Variants in NSMCE2 observed in about 807,000 individuals in gnomAD.
NSMCE2 encodes the protein NSE2 SUMO ligase component of SMC5/6 complex, also known as E3 SUMO-protein ligase NSE2.
NSMCE2 carries 24 observed loss-of-function variants against 23.8 expected under a neutral mutation model. The observed-to-expected ratio is 1.01, with a 90% CI of 0.73 to 1.42. The LOEUF (loss-of-function observed/expected upper bound fraction) is 1.42, where lower values mean the gene tolerates loss of function less well. NSMCE2 is among the 40% of genes most tolerant of loss of function. The pLI is 0.00. For synonymous variants in NSMCE2, 92 were observed against 94.1 expected (o/e 0.98, Z 0.13); for missense variants, 284 against 296.5 (o/e 0.96, Z 0.31).
Position 125,198,550 on chromosome 8 carries a change from G to C in NSMCE2, c.418+16294G>C, listed in dbSNP as rs576761815. On this transcript the variant is annotated intron_variant, in intron 5 of 7. Transcript: ENST00000287437. Reference sequence around the variant, plus strand: ...CCAGGGATGAAGCCTACTTGATCGTGGTGGATAAGTTTTTTGATGTGCTGC... The same window carrying C: ...CCAGGGATGAAGCCTACTTGATCGTCGTGGATAAGTTTTTTGATGTGCTGC... Among the ~76,000 whole-genome samples the C allele has an allele frequency of 3.3e-5, 5 of 152,278 alleles. No homozygotes were observed. In the South Asian group the frequency reaches 1.0e-3, roughly 32 times the overall value.
At chr8:125,271,559 G>C (rs1288746976) in intron 5 of NSMCE2, among the ~76,000 whole-genome samples, 1 of 152,184 alleles carries the variant, frequency 6.6e-6, no homozygotes, top group African/African-American at 2.4e-5. Flanking sequence ...AGTCATCAAA[G>C]GCTGATTCAG....
chr8:125,277,435 C>T (rs1827498048), intron 5 of NSMCE2, among the ~76,000 whole-genome samples: 1 of 151,670 alleles, frequency 6.6e-6, no homozygotes. Flanking sequence ...GGCTTTAAAA[C>T]ACAAAAAGGC....
intron 5 of NSMCE2, among the ~76,000 whole-genome samples, chr8:125,245,186 G>A (rs1825908909): frequency 6.6e-6 from 1 of 152,130 alleles, no homozygotes; most frequent in Admixed American, 6.5e-5. Flanking sequence ...GGGAGGATGA[G>A]GCAGGAGAAT....
chr8:125,123,244 G>A (rs906586211), intron 3 of NSMCE2, among the ~76,000 whole-genome samples: 1 of 152,062 alleles, frequency 6.6e-6, no homozygotes, highest in African/African-American at 2.4e-5. Flanking sequence ...TACCTATAAA[G>A]TTCTCCTAGA....
chr8:125,224,754 G>A (rs1448899372), intron 5 of NSMCE2, among the ~76,000 whole-genome samples: 1 of 152,166 alleles, frequency 6.6e-6, no homozygotes, highest in African/African-American at 2.4e-5. Context: ...TAGGTAGATA[G>A]TGTTATCCCC....
chr8:125,223,266 G>T (rs1824949194), intron 5 of NSMCE2, among the ~76,000 whole-genome samples: 1 of 151,688 alleles, frequency 6.6e-6, no homozygotes, highest in Non-Finnish European at 1.5e-5. Flanking sequence ...GCTGAGGTAG[G>T]AGGATTGCTT....
At chr8:125,318,704 C>T (rs781536548) in intron 5 of NSMCE2, among the ~76,000 whole-genome samples, 1 of 152,022 alleles carries the variant, frequency 6.6e-6, no homozygotes, top group Non-Finnish European at 1.5e-5. Context: ...GTGAAACAAC[C>T]ACGGCACTCA....
intron 3 of NSMCE2, among the ~76,000 whole-genome samples, chr8:125,139,812 G>A (rs1481828840): frequency 6.6e-6 from 1 of 152,162 alleles, no homozygotes; most frequent in Non-Finnish European, 1.5e-5. Flanking sequence ...TCATTTTATA[G>A]TGGAAATTTT....
At chr8:125,190,294 C>G (rs1823290092) in intron 5 of NSMCE2, among the ~76,000 whole-genome samples, 1 of 152,130 alleles carries the variant, frequency 6.6e-6, no homozygotes, top group African/African-American at 2.4e-5. Flanking sequence ...TAAATTTTGA[C>G]TTACATCATT....
chr8:125,344,563 T>A (rs1485243067), intron 5 of NSMCE2, among the ~76,000 whole-genome samples: 2 of 151,938 alleles, frequency 1.3e-5, no homozygotes, highest in Admixed American at 6.6e-5. Context: ...GCCAACATGG[T>A]GAAACCCCGT....
At chr8:125,229,113 G>C (rs528484745) in intron 5 of NSMCE2, among the ~76,000 whole-genome samples, 1 of 152,252 alleles carries the variant, frequency 6.6e-6, no homozygotes, top group East Asian at 1.9e-4. Context: ...AATGAAGGAT[G>C]ATGAGTCAGA....
intron 5 of NSMCE2, among the ~76,000 whole-genome samples, chr8:125,232,059 T>C (rs1189953503): frequency 2.0e-5 from 3 of 152,166 alleles, no homozygotes; most frequent in Non-Finnish European, 4.4e-5. Flanking sequence ...TCAGTTGAGA[T>C]GATGAACATG....
chr8:125,135,845 C>T (rs575349273), intron 3 of NSMCE2, among the ~76,000 whole-genome samples: 1 of 152,220 alleles, frequency 6.6e-6, no homozygotes, highest in South Asian at 2.1e-4. Flanking sequence ...TAGTGTTAGT[C>T]CTCCATTGTT....
chr8:125,130,736 A>G (rs1376974319), intron 3 of NSMCE2, among the ~76,000 whole-genome samples: 4 of 152,172 alleles, frequency 2.6e-5, no homozygotes, highest in Non-Finnish European at 4.4e-5. Flanking sequence ...ATCTGTATCT[A>G]TATTAAGGGG....
At chr8:125,226,082 A>C (rs1254651755) in intron 5 of NSMCE2, among the ~76,000 whole-genome samples, 1 of 152,200 alleles carries the variant, frequency 6.6e-6, no homozygotes, top group African/African-American at 2.4e-5. Context: ...AAAAGAATAC[A>C]TACAATTTTC....
intron 5 of NSMCE2, among the ~76,000 whole-genome samples, chr8:125,356,326 GT>G (rs747884264): frequency 0.11 from 12,074 of 105,222 alleles, 420 homozygotes; most frequent in African/African-American, 0.18. Flanking sequence ...TAATTTTTTG[GT>G]TTTTTTTTTT....
intron 5 of NSMCE2, chr8:125,351,476 A>C (rs1327891893): frequency 6.6e-6 from 1 of 152,144 alleles, no homozygotes; most frequent in African/African-American, 2.4e-5. Context: ...CACCCTGGGC[A>C]GGGGCATCTG....
intron 4 of NSMCE2, 88 bp downstream of exon 4, chr8:125,151,365 C>T (rs1821022325): frequency 1.5e-6 from 1 of 661,884 alleles, no homozygotes; most frequent in Non-Finnish European, 2.7e-6. Context: ...CTTCTCTAAT[C>T]TTTAATGTTT....
chr8:125,232,945 A>G (rs926690292), intron 5 of NSMCE2, among the ~76,000 whole-genome samples: 1 of 152,206 alleles, frequency 6.6e-6, no homozygotes, highest in African/African-American at 2.4e-5. Context: ...AGATTTTCAT[A>G]TGATGGTGAC....
Sources: allele counts gnomAD v4.1 joint callset (sites outside exome capture counted in the v4.1 genomes callset), GRCh38; gene constraint gnomAD v4.1.1; transcripts MANE v1.5; gene names NCBI Gene and HGNC (gene_info 2026-07-23, HGNC 2026-07-21).